DCAF6: variants seen among roughly 807,000 people sequenced by gnomAD.
The protein encoded by DCAF6 is DDB1 and CUL4 associated factor 6, also known as DDB1- and CUL4-associated factor 6.
DCAF6 carries 54 observed loss-of-function variants against 125.1 expected under a neutral mutation model. That is an observed-to-expected ratio of 0.43 (90% CI 0.35 to 0.54). The LOEUF is 0.54. Among genes scored for constraint, DCAF6 ranks in the 20% least tolerant of loss-of-function variants. The pLI is 0.01. For synonymous variants in DCAF6, 371 were observed against 390.4 expected (o/e 0.95, Z 0.58); for missense variants, 934 against 1,161.7 (o/e 0.80, Z 2.85).
At chr1:168,035,799 A>G (rs1010482768) in intron 12 of DCAF6, among the ~76,000 whole-genome samples, 1 of 152,212 alleles carries the variant, frequency 6.6e-6, no homozygotes, top group African/African-American at 2.4e-5. Flanking sequence ...ATGGTGGCTC[A>G]TGCCTGTAAT....
Position 167,936,793 on chromosome 1 carries a change from C to T in DCAF6, c.-119C>T. 1.1e-6 allele frequency: 1 copy of T among 896,456 alleles called. No individual in the cohort carries two copies. Among genetic ancestry groups the T allele is most frequent in the South Asian group, 1.6e-5 (1 of 62,330 alleles). 55.5% of individuals were successfully genotyped at this position (896,456 alleles called of 1,614,324 possible). A position where few individuals can be genotyped will look rare whatever the true frequency, so the allele number is the denominator to read the frequency against. ...CTGCCACCGCCATCTAACGCTGCGC[C>T]CTGGAGGCCCGGCGCGCGGATGGTG... On this transcript the variant is annotated 5_prime_UTR_variant, in exon 1 of 22. Coordinates refer to ENST00000367840, the MANE Select transcript of DCAF6 (RefSeq NM_001198956.2).
intron 12 of DCAF6, among the ~76,000 whole-genome samples, chr1:168,029,604 AATCCTTACC>A (rs1230410200): frequency 2.6e-5 from 4 of 152,192 alleles, no homozygotes; most frequent in Non-Finnish European, 5.9e-5. Context: ...TAATTTACTT[AATCCTTACC>A]ACAACCATAT....
At chr1:167,903,323 G>A in the DCAF6 span, among the ~76,000 whole-genome samples, 1 of 151,498 alleles carries the variant, frequency 6.6e-6, no homozygotes, top group Non-Finnish European at 1.5e-5. Context: ...CAGCACTTTG[G>A]GGGGCTGAGG....
chr1:167,926,300 T>A, the DCAF6 span, among the ~76,000 whole-genome samples: 1 of 152,236 alleles, frequency 6.6e-6, no homozygotes, highest in Admixed American at 6.5e-5. Context: ...GTGAAAAACC[T>A]ATCTATATTC....
intron 1 of DCAF6, among the ~76,000 whole-genome samples, 159 bp from the exon 2 acceptor site, chr1:167,951,641 G>A (rs551211038): frequency 2.0e-4 from 31 of 152,252 alleles, no homozygotes; most frequent in African/African-American, 7.2e-4. Context: ...AGTCTTAGGC[G>A]GAGGTTAAAT....
chr1:168,030,656 C>A (rs1686967514), intron 12 of DCAF6, among the ~76,000 whole-genome samples: 2 of 152,186 alleles, frequency 1.3e-5, no homozygotes, highest in Non-Finnish European at 2.9e-5. Context: ...GATTGAATGA[C>A]ACAGGGATTG....
At chr1:167,864,184 C>T in the DCAF6 span, among the ~76,000 whole-genome samples, 3 of 152,082 alleles carry the variant, frequency 2.0e-5, no homozygotes, top group African/African-American at 7.2e-5. Flanking sequence ...GTGTGCGTGC[C>T]CTTTTTACCC....
chr1:167,948,064 A>C (rs1673341915), intron 1 of DCAF6, among the ~76,000 whole-genome samples: 2 of 149,414 alleles, frequency 1.3e-5, no homozygotes, highest in African/African-American at 4.9e-5. Context: ...GGGTGCAAAT[A>C]TGTATTTAGA....
intron 11 of DCAF6, chr1:168,019,449 T>C (rs2103212588): frequency 5.3e-6 from 2 of 376,286 alleles, no homozygotes; most frequent in Non-Finnish European, 1.1e-5. Context: ...TTGAATGAGC[T>C]ATATGTACAT....
At chr1:167,877,338 CA>C in the DCAF6 span, among the ~76,000 whole-genome samples, 2 of 151,362 alleles carry the variant, frequency 1.3e-5, no homozygotes, top group Non-Finnish European at 2.9e-5. Flanking sequence ...TTCATGTATT[CA>C]AACTGCACTT....
At chr1:167,987,416 A>G in intron 4 of DCAF6, 79 bp from the exon 5 acceptor site, 2 of 726,890 alleles carry the variant, frequency 2.8e-6, no homozygotes, top group Admixed American at 4.3e-5. Context: ...TAATCATTTT[A>G]TGAAATAGTA....
At chr1:167,932,380 A>G (rs1670935188), upstream of DCAF6, among the ~76,000 whole-genome samples, 1 of 152,238 alleles carries the variant, frequency 6.6e-6, no homozygotes, top group Non-Finnish European at 1.5e-5. Context: ...TGGAAGTTCT[A>G]TAATTTTCTT....
intron 17 of DCAF6, among the ~76,000 whole-genome samples, chr1:168,062,687 T>G (rs1293236498): frequency 3.9e-5 from 6 of 152,108 alleles, no homozygotes; most frequent in Admixed American, 1.3e-4. Flanking sequence ...ATATTTTAAA[T>G]AAATTCAAAC....
chr1:168,058,681 G>T (rs923315808), intron 17 of DCAF6, among the ~76,000 whole-genome samples: 1 of 152,148 alleles, frequency 6.6e-6, no homozygotes, highest in Non-Finnish European at 1.5e-5. Flanking sequence ...TGATTCTCCT[G>T]CCTTAGCCTC....
chr1:167,887,335 G>A, the DCAF6 span, among the ~76,000 whole-genome samples: 1 of 152,184 alleles, frequency 6.6e-6, no homozygotes, highest in African/African-American at 2.4e-5. Flanking sequence ...AGAAAATGTG[G>A]CATGTATACA....
At chr1:168,018,743 T>C (rs567112611) in intron 11 of DCAF6, among the ~76,000 whole-genome samples, 67 of 152,210 alleles carry the variant, frequency 4.4e-4, no homozygotes, top group Non-Finnish European at 6.8e-4. Context: ...TCTAGACTTT[T>C]AGGAAATATG....
intron 12 of DCAF6, among the ~76,000 whole-genome samples, chr1:168,036,223 A>G (rs890161892): frequency 2.6e-5 from 4 of 152,202 alleles, no homozygotes; most frequent in African/African-American, 9.7e-5. Context: ...TTTGTGTAAT[A>G]TATTCCTATA....
chr1:168,074,089 C>T (rs943368420), intron 21 of DCAF6, among the ~76,000 whole-genome samples: 20 of 151,446 alleles, frequency 1.3e-4, no homozygotes, highest in African/African-American at 4.6e-4. Flanking sequence ...ATAAAGGTTA[C>T]ACATACATTA....
At chr1:167,976,898 T>TG (rs1678301756) in intron 4 of DCAF6, among the ~76,000 whole-genome samples, 1 of 116,006 alleles carries the variant, frequency 8.6e-6, no homozygotes, top group African/African-American at 3.8e-5. Context: ...TTTTTTTTTT[T>TG]TTTTTTTTTT....
Sources: gnomAD v4.1 joint callset for allele counts (sites outside exome capture counted in the v4.1 genomes callset) on GRCh38, gnomAD v4.1.1 for gene constraint, MANE v1.5 for transcripts, NCBI Gene and HGNC (gene_info 2026-07-23, HGNC 2026-07-21) for gene names.